The following KCND2 variants were observed in gnomAD, a reference collection of about 807,000 sequenced individuals.
KCND2 encodes potassium voltage-gated channel subfamily D member 2, also known as A-type voltage-gated potassium channel KCND2.
Under a neutral mutation model 54.4 loss-of-function variants are expected in KCND2, and 16 were observed. The observed-to-expected ratio is 0.29, with a 90% CI of 0.20 to 0.45. KCND2 has a LOEUF of 0.45. Among genes scored for constraint, KCND2 ranks in the 20% least tolerant of loss-of-function variants. The probability of loss-of-function intolerance (pLI) is 1.00; values close to 1 mark genes in which losing one functional copy is unlikely to be tolerated. For synonymous variants in KCND2, 317 were observed against 310.7 expected (o/e 1.02, Z -0.21); for missense variants, 486 against 824.2 (o/e 0.59, Z 5.02).
At chr7:120,718,984 TG>T (rs1053386224) in intron 1 of KCND2, among the ~76,000 whole-genome samples, 1 of 152,142 alleles carries the variant, frequency 6.6e-6, no homozygotes, top group African/African-American at 2.4e-5. Context: ...AAGATCCTTT[TG>T]GGGTGGTTCA....
At chr7:120,318,265 T>C (rs745826672) in intron 1 of KCND2, among the ~76,000 whole-genome samples, 1 of 152,100 alleles carries the variant, frequency 6.6e-6, no homozygotes, top group Non-Finnish European at 1.5e-5. Context: ...AATAGTAAAG[T>C]GTAAACTGTA....
intron 1 of KCND2, among the ~76,000 whole-genome samples, chr7:120,719,612 A>G (rs1584895488): frequency 6.6e-6 from 1 of 152,110 alleles, no homozygotes; most frequent in Admixed American, 6.6e-5. Context: ...ATTTTTCTTT[A>G]TTTAAATTTA....
At chr7:120,620,185 T>A (rs1262719704) in intron 1 of KCND2, among the ~76,000 whole-genome samples, 2 of 152,092 alleles carry the variant, frequency 1.3e-5, no homozygotes, top group African/African-American at 2.4e-5. Context: ...ATGAGTTTTT[T>A]ATTTAAATGC....
intron 1 of KCND2, among the ~76,000 whole-genome samples, chr7:120,688,884 C>T (rs1420678837): frequency 2.0e-5 from 3 of 152,142 alleles, no homozygotes; most frequent in Non-Finnish European, 4.4e-5. Context: ...TTTTAGAAAA[C>T]TGAGCAAGAG....
At chr7:120,606,121 T>A (rs1242217438) in intron 1 of KCND2, among the ~76,000 whole-genome samples, 3 of 152,174 alleles carry the variant, frequency 2.0e-5, no homozygotes, top group Non-Finnish European at 2.9e-5. Flanking sequence ...CTTTGAGGCC[T>A]CCCCAGCCAT....
intron 1 of KCND2, among the ~76,000 whole-genome samples, chr7:120,383,687 C>T (rs938898146): frequency 6.6e-6 from 1 of 152,054 alleles, no homozygotes; most frequent in African/African-American, 2.4e-5. Flanking sequence ...TGTCTGTATA[C>T]ACCTCCCCAC....
chr7:120,620,123 C>A (rs1793079723), intron 1 of KCND2, among the ~76,000 whole-genome samples: 1 of 151,942 alleles, frequency 6.6e-6, no homozygotes, highest in Non-Finnish European at 1.5e-5. Context: ...AAAAATAAGT[C>A]CACTAATTAT....
At chr7:120,735,022 A>G (rs1792853506) in intron 2 of KCND2, among the ~76,000 whole-genome samples, 1 of 152,100 alleles carries the variant, frequency 6.6e-6, no homozygotes, top group Non-Finnish European at 1.5e-5. Context: ...CCCACTGTCA[A>G]AGATCTTCTT....
At chr7:120,644,959 A>G (rs1156906552) in intron 1 of KCND2, among the ~76,000 whole-genome samples, 4 of 151,742 alleles carry the variant, frequency 2.6e-5, no homozygotes, top group African/African-American at 9.7e-5. Context: ...TTTTTTTCCT[A>G]TGAAGTTTTT....
chr7:120,301,935 A>G (rs1040036918), intron 1 of KCND2, among the ~76,000 whole-genome samples: 2 of 152,202 alleles, frequency 1.3e-5, no homozygotes, highest in African/African-American at 2.4e-5. Context: ...GTTTTCTGGA[A>G]TCATATGTAT....
chr7:120,341,853 A>G (rs576152727), intron 1 of KCND2, among the ~76,000 whole-genome samples: 3 of 152,124 alleles, frequency 2.0e-5, no homozygotes, highest in Admixed American at 6.6e-5. Flanking sequence ...GTATCATTAA[A>G]TGGTTGCAAC....
chr7:120,467,855 G>T (rs996832865), intron 1 of KCND2, among the ~76,000 whole-genome samples: 10 of 152,170 alleles, frequency 6.6e-5, no homozygotes, highest in African/African-American at 1.9e-4. Flanking sequence ...GAAACCATTA[G>T]ACAATGAAAG....
intron 1 of KCND2, among the ~76,000 whole-genome samples, chr7:120,375,348 T>C (rs1290918427): frequency 6.6e-6 from 1 of 151,914 alleles, no homozygotes; most frequent in Non-Finnish European, 1.5e-5. Flanking sequence ...CCACTTCTAA[T>C]CAAGATACAC....
intron 1 of KCND2, among the ~76,000 whole-genome samples, chr7:120,725,104 TA>T (rs992356580): frequency 3.3e-5 from 5 of 152,126 alleles, no homozygotes; most frequent in African/African-American, 1.2e-4. Flanking sequence ...TTGGTTTTTT[TA>T]AAAAAGCACA....
intron 1 of KCND2, among the ~76,000 whole-genome samples, chr7:120,587,736 A>G (rs1792618410): frequency 6.6e-6 from 1 of 152,214 alleles, no homozygotes; most frequent in African/African-American, 2.4e-5. Context: ...TTCATAAAGC[A>G]TTACACTGCC....
At chr7:120,376,850 C>A (rs1800841026) in intron 1 of KCND2, among the ~76,000 whole-genome samples, 1 of 151,906 alleles carries the variant, frequency 6.6e-6, no homozygotes, top group Non-Finnish European at 1.5e-5. Flanking sequence ...AGCATTCACA[C>A]AACTCACTAA....
At chr7:120,292,829 G>C (rs1431154584) in intron 1 of KCND2, among the ~76,000 whole-genome samples, 4 of 151,412 alleles carry the variant, frequency 2.6e-5, no homozygotes, top group Non-Finnish European at 5.9e-5. Context: ...TTTTTTGCTG[G>C]GGTTATCTTC....
At chr7:120,467,730 G>T (rs898164712) in intron 1 of KCND2, among the ~76,000 whole-genome samples, 11 of 151,954 alleles carry the variant, frequency 7.2e-5, no homozygotes, top group Admixed American at 6.6e-4. Flanking sequence ...TGTCATCTGC[G>T]TTCAGTTTCA....
chr7:120,357,140 C>T (rs554020718), intron 1 of KCND2, among the ~76,000 whole-genome samples: 1 of 152,074 alleles, frequency 6.6e-6, no homozygotes, highest in East Asian at 1.9e-4. Context: ...AGTGAATACT[C>T]AAAATCATCA....
Sources: gnomAD v4.1 joint callset for allele counts (sites outside exome capture counted in the v4.1 genomes callset) on GRCh38, gnomAD v4.1.1 for gene constraint, MANE v1.5 for transcripts, NCBI Gene and HGNC (gene_info 2026-07-23, HGNC 2026-07-21) for gene names.